Variants in VWA8 observed in about 807,000 individuals in gnomAD.
The protein encoded by VWA8 is von Willebrand factor A domain-containing protein 8.
A neutral mutation model predicts 241.5 loss-of-function variants in VWA8; 221 were observed. That is an observed-to-expected ratio of 0.91 (90% CI 0.82 to 1.02). The LOEUF (loss-of-function observed/expected upper bound fraction) is 1.02, where lower values mean the gene tolerates loss of function less well. Ranked by LOEUF, VWA8 falls within the 50% of genes least tolerant of loss-of-function variation. The pLI, the probability that VWA8 is intolerant of heterozygous loss-of-function variation, is 0.00. For synonymous variants in VWA8, 852 were observed against 827.1 expected (o/e 1.03, Z -0.52); for missense variants, 2,322 against 2,328.7 (o/e 1.00, Z 0.06).
At chr13:41,687,041 G>A (rs1366132914) in intron 34 of VWA8, among the ~76,000 whole-genome samples, 1 of 152,022 alleles carries the variant, frequency 6.6e-6, no homozygotes, top group African/African-American at 2.4e-5. Context: ...GTAAAATTAG[G>A]CTATTTGCCT....
At chr13:41,863,322 C>T (rs142354418) in intron 12 of VWA8, among the ~76,000 whole-genome samples, 1 of 148,942 alleles carries the variant, frequency 6.7e-6, no homozygotes, top group Non-Finnish European at 1.5e-5. Context: ...ATTGTGGGAC[C>T]TTGTGATGGT....
At chr13:41,839,102 C>T (rs1041309359) in intron 12 of VWA8, among the ~76,000 whole-genome samples, 1 of 152,156 alleles carries the variant, frequency 6.6e-6, no homozygotes, top group East Asian at 1.9e-4. Context: ...AACTAATTTA[C>T]ACTCCCACCA....
intron 24 of VWA8, 60 bp from the exon 25 acceptor site, chr13:41,721,635 A>G (rs1339748600): frequency 1.3e-6 from 2 of 1,523,286 alleles, no homozygotes; most frequent in East Asian, 2.3e-5. Flanking sequence ...TGTCACAGGA[A>G]AAAATGGAAT....
chr13:41,660,707 C>A lies in VWA8; in HGVS notation c.4611+10239G>T, dbSNP rs117922598. Among the ~76,000 whole-genome samples, 192 of 152,272 alleles carry A rather than the reference C, an allele frequency of 1.3e-3. 4 individuals carry two copies. In the East Asian group the frequency reaches 0.032, roughly 26 times the overall value. ...GCTGCTGCAACTGTGCTTGTTTTTA[C>A]CCCTTTCCTGACAGCAGACTCACTC... On this transcript the variant is annotated intron_variant, in intron 37 of 44. Coordinates refer to ENST00000379310, the MANE Select transcript of VWA8 (RefSeq NM_015058.2).
intron 2 of VWA8, among the ~76,000 whole-genome samples, chr13:41,945,280 TA>T (rs201441109): frequency 3.2e-4 from 45 of 141,534 alleles, no homozygotes; most frequent in Admixed American, 3.5e-4. Context: ...GGAACATCAC[TA>T]AAAAAAAAAA....
intron 38 of VWA8, among the ~76,000 whole-genome samples, chr13:41,611,949 C>T (rs1270294185): frequency 6.6e-6 from 1 of 152,208 alleles, no homozygotes; most frequent in African/African-American, 2.4e-5. Flanking sequence ...TCAAGGCTTA[C>T]TCCAGCTTCT....
intron 12 of VWA8, among the ~76,000 whole-genome samples, chr13:41,850,498 T>C (rs1157330824): frequency 6.6e-6 from 1 of 152,168 alleles, no homozygotes; most frequent in Non-Finnish European, 1.5e-5. Context: ...AGGTCTGCCA[T>C]AGCACTATGT....
intron 37 of VWA8, among the ~76,000 whole-genome samples, chr13:41,659,873 T>C (rs1312461430): frequency 1.3e-5 from 2 of 152,210 alleles, no homozygotes; most frequent in Non-Finnish European, 2.9e-5. Context: ...AACTGATGAC[T>C]AGTTTTGGTT....
intron 20 of VWA8, among the ~76,000 whole-genome samples, chr13:41,772,586 A>G (rs1374702398): frequency 6.6e-6 from 1 of 152,224 alleles, no homozygotes; most frequent in Non-Finnish European, 1.5e-5. Flanking sequence ...TTATACCCTA[A>G]GTGACCCTCA....
chr13:41,798,413 G>A (rs924926238), intron 17 of VWA8, among the ~76,000 whole-genome samples: 1 of 152,146 alleles, frequency 6.6e-6, no homozygotes, highest in Non-Finnish European at 1.5e-5. Context: ...AGCTGAAAAT[G>A]TATTCCGCTA....
At chr13:41,925,613 G>A (rs907670297) in intron 2 of VWA8, 2 of 163,534 alleles carry the variant, frequency 1.2e-5, no homozygotes, top group African/African-American at 2.4e-5. Flanking sequence ...AGTGGTACAG[G>A]GGGCTGAGGT....
chr13:41,584,151 T>A (rs1163583592), intron 42 of VWA8, among the ~76,000 whole-genome samples: 1 of 152,242 alleles, frequency 6.6e-6, no homozygotes, highest in Admixed American at 6.5e-5. Flanking sequence ...TTTACTTTTC[T>A]TTCAACTTTT....
At chr13:41,960,813 GCAGGGGCACCAGGGAGGA>G in intron 1 of VWA8, 22 bp downstream of exon 1, 1 of 1,498,918 alleles carries the variant, frequency 6.7e-7, no homozygotes, top group African/African-American at 1.4e-5. Flanking sequence ...GGCACGGAGC[GCAGGGGCACCAGGGAGGA>G]CAGGGGCGCA....
intron 42 of VWA8, among the ~76,000 whole-genome samples, chr13:41,582,950 C>T (rs2044393081): frequency 6.6e-6 from 1 of 152,186 alleles, no homozygotes; most frequent in Non-Finnish European, 1.5e-5. Flanking sequence ...TACCCCCAAA[C>T]ATTTATAGTC....
intron 2 of VWA8, among the ~76,000 whole-genome samples, chr13:41,943,997 C>A (rs1288789106): frequency 6.6e-6 from 1 of 151,698 alleles, no homozygotes; most frequent in South Asian, 2.1e-4. Flanking sequence ...CCCAGCTACT[C>A]GGGAGGCTGA....
intron 21 of VWA8, among the ~76,000 whole-genome samples, chr13:41,742,731 T>C (rs1264061911): frequency 6.6e-6 from 1 of 152,236 alleles, no homozygotes; most frequent in East Asian, 1.9e-4. Flanking sequence ...TTTGCTACTT[T>C]ATTTCAATGC....
At chr13:41,924,759 CTTT>C (rs200528621) in intron 2 of VWA8, among the ~76,000 whole-genome samples, 1 of 144,404 alleles carries the variant, frequency 6.9e-6, no homozygotes, top group Admixed American at 6.9e-5. Context: ...GAAGCACTTT[CTTT>C]TTTTTTTTTT....
intron 2 of VWA8, among the ~76,000 whole-genome samples, chr13:41,933,315 G>T (rs1027464245): frequency 6.6e-6 from 1 of 151,938 alleles, no homozygotes; most frequent in East Asian, 1.9e-4. Flanking sequence ...AGAAATTAAA[G>T]ATCTAAATAG....
intron 21 of VWA8, among the ~76,000 whole-genome samples, chr13:41,740,745 T>C (rs1466939805): frequency 2.0e-5 from 3 of 152,152 alleles, no homozygotes; most frequent in Non-Finnish European, 4.4e-5. Flanking sequence ...CAAAAAGTTC[T>C]CTCATCTCCT....
Sources: gnomAD v4.1 joint callset for allele counts (sites outside exome capture counted in the v4.1 genomes callset) on GRCh38, gnomAD v4.1.1 for gene constraint, MANE v1.5 for transcripts, NCBI Gene and HGNC (gene_info 2026-07-23, HGNC 2026-07-21) for gene names.